Variants in DENND3 observed in about 807,000 individuals in gnomAD.
DENND3 encodes DENN domain containing 3.
In DENND3, 88 loss-of-function variants were observed where a neutral mutation model predicts 135.1. The ratio of observed to expected loss-of-function variants is 0.65; its 90% CI spans 0.55 to 0.78. The LOEUF is 0.78. DENND3 is among the 30% of genes least tolerant of loss of function. DENND3 has a pLI of 0.00. For missense variants in DENND3, 1,392 were observed against 1,688.4 expected (o/e 0.82, Z 3.08); for synonymous variants, 693 against 712.3 (o/e 0.97, Z 0.43).
chr8:141,149,619 C>A (rs2154612914), intron 5 of DENND3, among the ~76,000 whole-genome samples: 1 of 152,388 alleles, frequency 6.6e-6, no homozygotes, highest in South Asian at 2.1e-4. Flanking sequence ...TGGCCGGATG[C>A]TGTCCCATGG....
intron 8 of DENND3, chr8:141,157,257 G>C: frequency 3.1e-6 from 3 of 972,744 alleles, no homozygotes; most frequent in Non-Finnish European, 3.7e-6. Context: ...CAGGGACTTT[G>C]GTCAGGGGAG....
At chr8:141,192,787 C>G in intron 22 of DENND3, 124 bp downstream of exon 22, 5 of 1,590,794 alleles carry the variant, frequency 3.1e-6, no homozygotes, top group Non-Finnish European at 4.3e-6. Flanking sequence ...TCTCAGGGTT[C>G]CCCTCCTAAC....
chr8:141,177,020 T>C, intron 15 of DENND3: 1 of 447,210 alleles, frequency 2.2e-6, no homozygotes, highest in Non-Finnish European at 4.0e-6. Context: ...GGTGCCCCAC[T>C]GCCCGCTCCA....
At chr8:141,151,906 A>T in intron 7 of DENND3, 69 bp downstream of exon 7, 1 of 1,577,938 alleles carries the variant, frequency 6.3e-7, no homozygotes, top group East Asian at 2.2e-5. Context: ...ACATGGGAAG[A>T]TGCGTCTGAA....
chr8:141,189,851 C>T (rs1453177673), intron 19 of DENND3, among the ~76,000 whole-genome samples: 1 of 152,240 alleles, frequency 6.6e-6, no homozygotes, highest in Non-Finnish European at 1.5e-5. Flanking sequence ...CCTGCACCTG[C>T]AGCCAGCCCA....
intron 5 of DENND3, among the ~76,000 whole-genome samples, chr8:141,149,010 A>G (rs1818474339): frequency 6.6e-6 from 1 of 150,970 alleles, no homozygotes; most frequent in South Asian, 2.1e-4. Flanking sequence ...TCCTGGGTTT[A>G]GGCGATTTTC....
intron 17 of DENND3, 126 bp from the exon 18 acceptor site, chr8:141,185,013 G>C: frequency 1.6e-6 from 2 of 1,276,384 alleles, no homozygotes; most frequent in East Asian, 2.3e-5. Flanking sequence ...GTCTTTGTAC[G>C]TACAGCACCT....
chr8:141,176,986 C>T lies in DENND3; in HGVS notation c.2706+225C>T, dbSNP rs990364182. The T allele has an allele frequency of 1.5e-5, 8 of 546,942 alleles. No individual in the cohort carries two copies. In the East Asian group the frequency reaches 1.9e-4, roughly 13 times the overall value. The allele number at this position is 546,942 out of a possible 1,614,324, so 33.9% of individuals were successfully genotyped here. On this transcript the variant is annotated intron_variant, in intron 15 of 22. Coordinates refer to ENST00000519811, the MANE Select transcript of DENND3 (RefSeq NM_001352890.3). ...GCTACGGAAGAGCATGATGAGAAAA[C>T]GCAGGGCGGTCTGGGCAGGTGTGGG...
intron 8 of DENND3, chr8:141,158,269 T>C (rs1334190833): frequency 3.1e-6 from 4 of 1,288,438 alleles, no homozygotes; most frequent in Non-Finnish European, 4.0e-6. Flanking sequence ...GCTTTCCCAA[T>C]CATCTCAGTT....
intron 5 of DENND3, among the ~76,000 whole-genome samples, chr8:141,147,317 A>G (rs534693743): frequency 6.6e-6 from 1 of 152,250 alleles, no homozygotes; most frequent in East Asian, 1.9e-4. Context: ...GATTATTAAC[A>G]TGTGGATATT....
In DENND3 at chr8:141,136,961, A is replaced by AT. The variant is rs535977547; in HGVS notation, c.385+176dup. On this transcript the variant is annotated intron_variant, in intron 2 of 22. Coordinates refer to ENST00000519811, the MANE Select transcript of DENND3 (RefSeq NM_001352890.3). ...TTTCTTAATCTTGGGGATTTTTTTA[A>AT]TTTTTTATATTTATTTATTTATTTA... Among the ~76,000 whole-genome samples the AT allele has an allele frequency of 2.2e-4, 33 of 151,994 alleles. 1 individual carries two copies. In the South Asian group the frequency reaches 3.5e-3, roughly 16 times the overall value.
intron 3 of DENND3, among the ~76,000 whole-genome samples, chr8:141,140,792 G>A (rs1030319746): frequency 1.3e-5 from 2 of 152,290 alleles, no homozygotes; most frequent in Admixed American, 6.5e-5. Flanking sequence ...CCCTGCGGCC[G>A]TGGCTCCCAC....
chr8:141,194,222 A>C lies in DENND3; in HGVS notation c.3826A>C (p.Lys1276Gln). The C allele has an allele frequency of 1.2e-6, 2 of 1,612,480 alleles. No individual in the cohort carries two copies. The highest frequency in any genetic ancestry group is 1.7e-6 in the Non-Finnish European group (2 of 1,179,750). The change falls in exon 23 of 23, where the codon AAA becomes CAA. Residue 1276 changes from lysine (K) to glutamine (Q), a missense_variant. Transcript: ENST00000519811. ...GREEGKVAIWKGE is the reference protein window; with the variant it reads ...GREEGKVAIWQGE Reference sequence around the variant, plus strand: ...GGAGGAGGGGAAAGTCGCCATTTGGAAAGGCGAATAAACGTGGCTGAGTCT... The same window carrying C: ...GGAGGAGGGGAAAGTCGCCATTTGGCAAGGCGAATAAACGTGGCTGAGTCT...
At position 141,182,632 on chromosome 8, in the gene DENND3, G is replaced by T. The variant is rs1034616695; in HGVS notation, c.2944+1778G>T. 2.5e-6 allele frequency: 1 copy of T among 401,270 alleles called. No homozygotes were observed. Among genetic ancestry groups the T allele is most frequent in the Non-Finnish European group, 3.4e-6 (1 of 296,684 alleles). The allele number at this position is 401,270 out of a possible 1,614,324, so 24.9% of individuals were successfully genotyped here. A position where few individuals can be genotyped will look rare whatever the true frequency, so the allele number is the denominator to read the frequency against. ...GTGCAAAGCAGCCGTGGGGAATGGG[G>T]AAACCGCCTTTTCCTGTGGCTGCCG... On this transcript the variant is annotated intron_variant, in intron 17 of 22. Coordinates refer to ENST00000519811, the MANE Select transcript of DENND3 (RefSeq NM_001352890.3). The surrounding 1 kb of genome is among the most constrained non-coding windows in gnomAD (Gnocchi z 5.9).
At chr8:141,177,005 G>T in intron 15 of DENND3, 1 of 501,624 alleles carries the variant, frequency 2.0e-6, no homozygotes, top group Non-Finnish European at 3.5e-6. Context: ...GTCTGGGCAG[G>T]TGTGGGTGCC....
chr8:141,134,307 T>G (rs1361587348), intron 1 of DENND3, among the ~76,000 whole-genome samples: 2 of 152,054 alleles, frequency 1.3e-5, no homozygotes, highest in Non-Finnish European at 2.9e-5. Context: ...TTATTTTATT[T>G]TTTTTTTGAG....
rs139597627 is a variant in DENND3, at chr8:141,141,237, G to A, written c.536G>A (p.Arg179Gln). 7.2e-5 allele frequency: 116 copies of A among 1,614,080 alleles called. 2 individuals carry two copies. Among genetic ancestry groups the A allele is most frequent in the South Asian group, 6.6e-4 (60 of 91,096 alleles). ...EYCFYNGKTH[R>Q]ECPGCFVPFA... ...TGTTTCTACAATGGCAAAACGCACC[G>A]GGAGTGTCCTGGCTGCTTCGTGCCC... is the stretch of plus-strand genomic sequence containing the variant. The change falls in exon 4 of 23, where the codon CGG (arginine) becomes CAG (glutamine). Residue 179 changes from arginine (R) to glutamine (Q), a missense_variant. Coordinates refer to ENST00000519811, the MANE Select transcript of DENND3 (RefSeq NM_001352890.3). This position sits in a 1 kb window ranked among gnomAD's most constrained non-coding sequence, Gnocchi z 5.3.
rs1816796195 is a variant in DENND3 at position 141,136,457 on chromosome 8, C to T, written c.103-52C>T. On this transcript the variant is annotated intron_variant, in intron 1 of 22. Transcript: ENST00000519811. ...GTGAAGCTCAGACAGAAAGGATACCCTCGAACAAGAGCTGAGGCTGTGGCA... is the reference window on the plus strand; with the variant it reads ...GTGAAGCTCAGACAGAAAGGATACCTTCGAACAAGAGCTGAGGCTGTGGCA... 4 of 1,480,640 alleles carry T rather than the reference C, an allele frequency of 2.7e-6. No individual in the cohort carries two copies. In the Admixed American group the frequency reaches 8.9e-5, roughly 33 times the overall value. 91.7% of individuals were successfully genotyped at this position (1,480,640 alleles called of 1,614,324 possible). A position where few individuals can be genotyped will look rare whatever the true frequency, so the allele number is the denominator to read the frequency against.
At position 141,139,655 on chromosome 8, in the gene DENND3, CACTT is replaced by C. The variant is rs1248221265; in HGVS notation, c.501+1521_501+1524del. The stretch of plus-strand genomic sequence containing the variant: ...CCTTGGGAGTTTGCTTGTGAAATAA[CACTT>C]ACCAGGAGCAATGCGCATGTTGTTT... On this transcript the variant is annotated intron_variant, in intron 3 of 22. Coordinates refer to ENST00000519811, the MANE Select transcript of DENND3 (RefSeq NM_001352890.3). The surrounding 1 kb of genome is among the most constrained non-coding windows in gnomAD (Gnocchi z 4.2). 1.3e-5 allele frequency among the ~76,000 whole-genome samples: 2 copies of C among 152,214 alleles called. No individual in the cohort carries two copies. Among genetic ancestry groups the C allele is most frequent in the African/African-American group, 4.8e-5 (2 of 41,458 alleles).
Sources: gnomAD v4.1 joint callset for allele counts (sites outside exome capture counted in the v4.1 genomes callset) on GRCh38, gnomAD v4.1.1 for gene constraint, Gnocchi (gnomAD v3.1) non-coding constraint, MANE v1.5 for transcripts, NCBI Gene and HGNC (gene_info 2026-07-23, HGNC 2026-07-21) for gene names.